EYA2: variants seen among roughly 807,000 people sequenced by gnomAD.
EYA2 encodes protein phosphatase EYA2.
EYA2 carries 31 observed loss-of-function variants against 69.2 expected under a neutral mutation model. The observed-to-expected ratio is 0.45, with a 90% confidence interval of 0.34 to 0.60. The LOEUF (loss-of-function observed/expected upper bound fraction) is 0.60, where lower values mean the gene tolerates loss of function less well. Ranked by LOEUF, EYA2 falls within the 20% of genes least tolerant of loss-of-function variation. EYA2 has a pLI of 0.02. For synonymous variants in EYA2, 257 were observed against 279.4 expected, an observed-to-expected ratio of 0.92 and a Z score of 0.80; for missense variants, 622 against 701.2, an observed-to-expected ratio of 0.89 and a Z score of 1.28.
chr20:47,140,818 G>A (rs1293983982), intron 9 of EYA2, among the ~76,000 whole-genome samples: 2 of 152,176 alleles, frequency 1.3e-5, no homozygotes, highest in African/African-American at 2.4e-5. Flanking sequence ...CTGGGGATCG[G>A]CAAGTTCAAG....
rs189987404 is a variant in EYA2 at position 47,071,513 on chromosome 20, G to A, written c.416-672G>A. Among the ~76,000 whole-genome samples, 549 of 151,488 alleles carry A rather than the reference G, an allele frequency of 3.6e-3. 1 individual carries two copies. Among genetic ancestry groups the A allele is most frequent in the African/African-American group, 0.01 (424 of 41,280 alleles). On this transcript the variant is annotated intron_variant, in intron 5 of 15. Transcript: ENST00000327619. ...TGAAACACTTAAATGACCAAACTCC[G>A]GGGCTCAAGTGATCCTCCCACCTCA...
At chr20:47,115,641 G>A (rs924053492) in intron 9 of EYA2, among the ~76,000 whole-genome samples, 2 of 151,626 alleles carry the variant, frequency 1.3e-5, no homozygotes, top group East Asian at 1.9e-4. Flanking sequence ...AGCCTCCTCC[G>A]CCCTCTCCAC....
intron 7 of EYA2, among the ~76,000 whole-genome samples, chr20:47,082,181 A>T (rs1359053200): frequency 6.6e-6 from 1 of 152,212 alleles, no homozygotes; most frequent in African/African-American, 2.4e-5. Flanking sequence ...ATAAATAATG[A>T]TTAATGAAAA....
chr20:46,917,526 G>A (rs1200608768), intron 1 of EYA2, among the ~76,000 whole-genome samples: 8 of 152,228 alleles, frequency 5.3e-5, no homozygotes, highest in African/African-American at 1.4e-4. Context: ...TGAGGAAAGC[G>A]AAGTGGATGT....
intron 1 of EYA2, among the ~76,000 whole-genome samples, chr20:46,979,093 G>A (rs556341833): frequency 2.6e-5 from 4 of 152,180 alleles, no homozygotes; most frequent in East Asian, 1.9e-4. Context: ...CCCCTTAGCC[G>A]ACTGGCCATC....
At chr20:46,959,790 T>C (rs767112471) in intron 1 of EYA2, among the ~76,000 whole-genome samples, 4 of 152,144 alleles carry the variant, frequency 2.6e-5, no homozygotes, top group Non-Finnish European at 5.9e-5. Context: ...CCAGGGCTCA[T>C]CTCTTTTCTC....
intron 5 of EYA2, among the ~76,000 whole-genome samples, chr20:47,023,247 A>G (rs745494251): frequency 9.2e-5 from 14 of 152,196 alleles, no homozygotes; most frequent in Non-Finnish European, 2.1e-4. Flanking sequence ...ATTATATTGT[A>G]TGTTACTATT....
rs954686366 is a variant in EYA2, at chr20:46,957,919, A to G, written c.-10-32082A>G. 1.8e-4 allele frequency among the ~76,000 whole-genome samples: 27 copies of G among 152,252 alleles called. 1 individual carries two copies. Among genetic ancestry groups the G allele is most frequent in the South Asian group, 1.2e-3 (6 of 4,822 alleles). On this transcript the variant is annotated intron_variant, in intron 1 of 15. Transcript: ENST00000327619. ...GCTTCTCAACTTGCAATTTGTCCCA[A>G]ACTACATTCCCTGCTCTCCCTACCA...
intron 4 of EYA2, 96 bp downstream of exon 4, chr20:47,005,180 A>G: frequency 7.2e-7 from 1 of 1,386,744 alleles, no homozygotes; most frequent in Non-Finnish European, 9.8e-7. Context: ...ATTAATAGAC[A>G]CAACCAAGCT....
intron 9 of EYA2, among the ~76,000 whole-genome samples, chr20:47,134,850 G>A (rs1010051273): frequency 4.6e-5 from 7 of 152,042 alleles, no homozygotes; most frequent in South Asian, 2.1e-4. Context: ...ACAACGGGCC[G>A]GGTGCAGTGG....
At chr20:47,071,516 G>A (rs146729277) in intron 5 of EYA2, among the ~76,000 whole-genome samples, 75 of 151,942 alleles carry the variant, frequency 4.9e-4, no homozygotes, top group Non-Finnish European at 8.2e-4. Context: ...AAACTCCGGG[G>A]CTCAAGTGAT....
intron 1 of EYA2, among the ~76,000 whole-genome samples, chr20:46,972,138 G>A (rs951075359): frequency 2.0e-5 from 3 of 152,212 alleles, no homozygotes; most frequent in Non-Finnish European, 4.4e-5. Flanking sequence ...ACCACAGGTG[G>A]AAGAGGATTT....
intron 10 of EYA2, among the ~76,000 whole-genome samples, chr20:47,149,365 A>T (rs547626560): frequency 6.6e-6 from 1 of 152,240 alleles, no homozygotes; most frequent in Admixed American, 6.5e-5. Context: ...GCAGATTTTC[A>T]TTATCAGCTC....
intron 14 of EYA2, 48 bp from the exon 15 acceptor site, chr20:47,183,242 TC>T: frequency 6.3e-7 from 1 of 1,578,520 alleles, no homozygotes; most frequent in Non-Finnish European, 8.7e-7. Flanking sequence ...TTGGCTGCAA[TC>T]CGGGGTCCTC....
intron 1 of EYA2, among the ~76,000 whole-genome samples, chr20:46,974,981 G>A (rs139878721): frequency 3.3e-5 from 5 of 152,126 alleles, no homozygotes; most frequent in African/African-American, 9.7e-5. Flanking sequence ...TTTCTAAAAA[G>A]CTGATCTCAA....
chr20:47,005,219 A>T, intron 4 of EYA2, 135 bp downstream of exon 4: 1 of 985,930 alleles, frequency 1.0e-6, no homozygotes, highest in Non-Finnish European at 1.5e-6. Flanking sequence ...AAGGGAAAAG[A>T]GTAACACTTT....
At chr20:47,185,575 T>C (rs1292091949) in intron 15 of EYA2, among the ~76,000 whole-genome samples, 6 of 152,154 alleles carry the variant, frequency 3.9e-5, no homozygotes, top group Admixed American at 2.6e-4. Context: ...GTACTGGGAT[T>C]AGAGGTGTGA....
intron 10 of EYA2, among the ~76,000 whole-genome samples, chr20:47,158,307 G>C (rs1278646025): frequency 1.3e-5 from 2 of 151,994 alleles, no homozygotes; most frequent in Admixed American, 6.5e-5. Context: ...CCTGAGGTCA[G>C]GAGTTTGAGA....
chr20:47,135,828 A>AAAAAAAAC (rs1568800527), intron 9 of EYA2, among the ~76,000 whole-genome samples: 1 of 87,000 alleles, frequency 1.1e-5, no homozygotes, highest in Non-Finnish European at 2.2e-5. Flanking sequence ...CAAAAAAAAA[A>AAAAAAAAC]AAAAAAAAAA....
Sources: allele counts gnomAD v4.1 joint callset (sites outside exome capture counted in the v4.1 genomes callset), GRCh38; gene constraint gnomAD v4.1.1; transcripts MANE v1.5; gene names NCBI Gene and HGNC (gene_info 2026-07-23, HGNC 2026-07-21).